NYAP2: variants seen among roughly 807,000 people sequenced by gnomAD.
NYAP2 encodes the protein neuronal tyrosine-phosphorylated phosphoinositide-3-kinase adaptor 2, also known as neuronal tyrosine-phosphorylated phosphoinositide-3-kinase adapter 2.
In NYAP2, 23 loss-of-function variants were observed where a neutral mutation model predicts 50.4. The ratio of observed to expected loss-of-function variants is 0.46; its 90% CI spans 0.33 to 0.65. The LOEUF (loss-of-function observed/expected upper bound fraction) is 0.65, where lower values mean the gene tolerates loss of function less well. Among genes scored for constraint, NYAP2 ranks in the 30% least tolerant of loss-of-function variants. The pLI, the probability that NYAP2 is intolerant of heterozygous loss-of-function variation, is 0.02. For missense variants in NYAP2, 885 were observed against 861.0 expected (o/e 1.03, Z -0.35); for synonymous variants, 394 against 365.2 (o/e 1.08, Z -0.90).
At chr2:225,585,326 A>T (rs1692370905) in intron 5 of NYAP2, among the ~76,000 whole-genome samples, 1 of 152,208 alleles carries the variant, frequency 6.6e-6, no homozygotes, top group Non-Finnish European at 1.5e-5. Context: ...TCTTTGGAGG[A>T]TCCTTAACAG....
the NYAP2 span, among the ~76,000 whole-genome samples, chr2:225,676,064 G>A: frequency 5.3e-5 from 8 of 152,066 alleles, no homozygotes; most frequent in African/African-American, 1.9e-4. Flanking sequence ...ACCTTTATCA[G>A]AGGCACAGTT....
intron 3 of NYAP2, among the ~76,000 whole-genome samples, chr2:225,488,653 A>G (rs771610097): frequency 6.6e-6 from 1 of 152,150 alleles, no homozygotes; most frequent in Admixed American, 6.6e-5. Flanking sequence ...GATTATAGGC[A>G]TAAGCCACCA....
intron 3 of NYAP2, among the ~76,000 whole-genome samples, chr2:225,506,222 A>T (rs562220980): frequency 2.0e-4 from 30 of 152,266 alleles, no homozygotes; most frequent in Admixed American, 1.8e-3. Flanking sequence ...CCTTTGTAAA[A>T]CAAATGTGTG....
chr2:225,642,302 C>T (rs773810291), intron 6 of NYAP2, among the ~76,000 whole-genome samples: 18 of 151,964 alleles, frequency 1.2e-4, no homozygotes, highest in African/African-American at 4.3e-4. Context: ...AGCAGGGAAG[C>T]TAAAAAAAAT....
chr2:225,642,700 G>A (rs1693554007), intron 6 of NYAP2, among the ~76,000 whole-genome samples: 1 of 152,102 alleles, frequency 6.6e-6, no homozygotes, highest in Non-Finnish European at 1.5e-5. Context: ...CACTTCTGGA[G>A]GTAGAGTTGA....
intron 4 of NYAP2, among the ~76,000 whole-genome samples, chr2:225,552,157 G>T (rs1254197245): frequency 2.6e-5 from 4 of 151,966 alleles, no homozygotes; most frequent in Admixed American, 1.3e-4. Context: ...TGCCTCATTT[G>T]TCCAATTTCA....
the NYAP2 span, among the ~76,000 whole-genome samples, chr2:225,673,034 A>G: frequency 6.6e-6 from 1 of 152,038 alleles, no homozygotes. Context: ...AAGAGGTTTA[A>G]TGGACTTACA....
At chr2:225,600,757 C>T (rs1485129241) in intron 5 of NYAP2, among the ~76,000 whole-genome samples, 8 of 152,206 alleles carry the variant, frequency 5.3e-5, no homozygotes, top group Non-Finnish European at 7.3e-5. Flanking sequence ...CACTATTCTA[C>T]TTTGTCTTGA....
intron 3 of NYAP2, among the ~76,000 whole-genome samples, chr2:225,473,977 A>C (rs567345179): frequency 6.6e-6 from 1 of 152,110 alleles, no homozygotes; most frequent in East Asian, 1.9e-4. Flanking sequence ...ATCTTGAATT[A>C]ATTTTTGTAT....
intron 3 of NYAP2, among the ~76,000 whole-genome samples, chr2:225,498,084 A>C (rs1387548787): frequency 3.3e-5 from 5 of 152,100 alleles, no homozygotes; most frequent in Admixed American, 1.3e-4. Flanking sequence ...TATTCCTTTT[A>C]ATGTAGGTCT....
chr2:225,401,379 C>G (rs934708247), intron 2 of NYAP2, among the ~76,000 whole-genome samples: 2 of 152,054 alleles, frequency 1.3e-5, no homozygotes, highest in Non-Finnish European at 2.9e-5. Flanking sequence ...TGCATGCTAG[C>G]TATTTATCCG....
intron 4 of NYAP2, among the ~76,000 whole-genome samples, chr2:225,577,805 GAT>G (rs76435050): frequency 2.2e-5 from 1 of 45,374 alleles, no homozygotes; most frequent in Non-Finnish European, 4.1e-5. Flanking sequence ...ATGAAAAGCA[GAT>G]TTTTTTTTTT....
chr2:225,523,672 A>G (rs1691104999), intron 4 of NYAP2, among the ~76,000 whole-genome samples: 1 of 152,110 alleles, frequency 6.6e-6, no homozygotes, highest in South Asian at 2.1e-4. Context: ...ATCCCTATCA[A>G]ATTACCAATG....
At chr2:225,606,872 A>G (rs910865745) in intron 5 of NYAP2, among the ~76,000 whole-genome samples, 3 of 152,074 alleles carry the variant, frequency 2.0e-5, no homozygotes, top group Non-Finnish European at 4.4e-5. Context: ...AGAGCTTGGC[A>G]TCATTTCTTC....
chr2:225,604,313 C>G (rs890941895), intron 5 of NYAP2, among the ~76,000 whole-genome samples: 1 of 152,058 alleles, frequency 6.6e-6, no homozygotes, highest in African/African-American at 2.4e-5. Context: ...CCTTTTTTGG[C>G]TTTAATGTGA....
At chr2:225,668,435 G>C in the NYAP2 span, among the ~76,000 whole-genome samples, 1 of 152,054 alleles carries the variant, frequency 6.6e-6, no homozygotes, top group African/African-American at 2.4e-5. Context: ...GAGGCCATGG[G>C]GGCTGCCTCA....
intron 4 of NYAP2, among the ~76,000 whole-genome samples, chr2:225,574,292 T>C (rs1559218556): frequency 1.3e-5 from 2 of 151,982 alleles, no homozygotes; most frequent in South Asian, 2.1e-4. Context: ...GTTCAAACAG[T>C]GGGGGCTAGA....
chr2:225,603,897 G>T (rs1290783596), intron 5 of NYAP2, among the ~76,000 whole-genome samples: 1 of 152,012 alleles, frequency 6.6e-6, no homozygotes, highest in Admixed American at 6.6e-5. Context: ...CAAAACAATG[G>T]ATATTGAAAC....
intron 3 of NYAP2, among the ~76,000 whole-genome samples, chr2:225,485,871 C>G (rs1195953861): frequency 6.6e-6 from 1 of 152,188 alleles, no homozygotes; most frequent in Admixed American, 6.5e-5. Flanking sequence ...TTTGCTGATG[C>G]AGCTGCCCTG....
Sources: gnomAD v4.1 joint callset for allele counts (sites outside exome capture counted in the v4.1 genomes callset) on GRCh38, gnomAD v4.1.1 for gene constraint, MANE v1.5 for transcripts, NCBI Gene and HGNC (gene_info 2026-07-23, HGNC 2026-07-21) for gene names.